The following DYNC1I1 variants were observed in gnomAD, a reference collection of about 807,000 sequenced individuals.
The protein encoded by DYNC1I1 is dynein cytoplasmic 1 intermediate chain 1, also known as cytoplasmic dynein 1 intermediate chain 1.
A neutral mutation model predicts 86.6 loss-of-function variants in DYNC1I1; 43 were observed. That is an observed-to-expected ratio of 0.50 (90% CI 0.39 to 0.64). The LOEUF is 0.64. Among genes scored for constraint, DYNC1I1 ranks in the 30% least tolerant of loss-of-function variants. The probability of loss-of-function intolerance (pLI) is 0.00; values close to 1 mark genes in which losing one functional copy is unlikely to be tolerated. For synonymous variants in DYNC1I1, 262 were observed against 283.7 expected, an observed-to-expected ratio of 0.92 and a Z score of 0.77; for missense variants, 604 against 788.8, an observed-to-expected ratio of 0.77 and a Z score of 2.81.
intron 6 of DYNC1I1, among the ~76,000 whole-genome samples, chr7:95,957,907 A>G (rs959967816): frequency 2.0e-5 from 3 of 152,208 alleles, no homozygotes; most frequent in Non-Finnish European, 2.9e-5. Flanking sequence ...GGGAGAAAGT[A>G]TAGGCTGGGT....
At chr7:96,079,525 A>G (rs886248914) in intron 15 of DYNC1I1, among the ~76,000 whole-genome samples, 1 of 152,186 alleles carries the variant, frequency 6.6e-6, no homozygotes, top group African/African-American at 2.4e-5. Context: ...CTTTCCAAAT[A>G]CTGAGGCTCT....
chr7:95,832,467 C>G (rs967569462), intron 5 of DYNC1I1, among the ~76,000 whole-genome samples: 22 of 151,752 alleles, frequency 1.4e-4, no homozygotes, highest in African/African-American at 5.1e-4. Context: ...GATTTATAGT[C>G]CTTTGGATAT....
At chr7:95,854,517 TA>T (rs1424530788) in intron 5 of DYNC1I1, among the ~76,000 whole-genome samples, 1 of 152,204 alleles carries the variant, frequency 6.6e-6, no homozygotes, top group Non-Finnish European at 1.5e-5. Context: ...TTTCTCTTGT[TA>T]TTTTTAATAG....
At chr7:96,051,111 GT>G (rs1789392482) in intron 14 of DYNC1I1, among the ~76,000 whole-genome samples, 1 of 152,134 alleles carries the variant, frequency 6.6e-6, no homozygotes, top group South Asian at 2.1e-4. Flanking sequence ...CTGTGCTGCA[GT>G]TTAGTTTAGT....
In DYNC1I1 at chr7:95,929,639, C is replaced by G. The variant is rs537710448; in HGVS notation, c.491-47873C>G. On this transcript the variant is annotated intron_variant, in intron 6 of 16. Transcript: ENST00000447467. Reference sequence around the variant, plus strand: ...CATACCATGAAACCAGTCTTCAGATCAAGATTCAGAATATAAGGAGAAACC... The same window carrying G: ...CATACCATGAAACCAGTCTTCAGATGAAGATTCAGAATATAAGGAGAAACC... 3.3e-5 allele frequency among the ~76,000 whole-genome samples: 5 copies of G among 152,270 alleles called. 1 individual carries two copies. Among genetic ancestry groups the G allele is most frequent in the African/African-American group, 1.2e-4 (5 of 41,572 alleles).
intron 9 of DYNC1I1, among the ~76,000 whole-genome samples, chr7:95,993,652 T>C (rs1056974049): frequency 5.3e-5 from 8 of 152,216 alleles, no homozygotes; most frequent in Non-Finnish European, 1.2e-4. Flanking sequence ...GGTGGCCACA[T>C]ACATGTGTGT....
intron 7 of DYNC1I1, among the ~76,000 whole-genome samples, chr7:95,980,686 G>A (rs1045366515): frequency 2.0e-5 from 3 of 151,526 alleles, no homozygotes; most frequent in African/African-American, 7.3e-5. Context: ...ATGCAGTCTT[G>A]ATTTATTACT....
chr7:95,953,444 C>T (rs1478073196), intron 6 of DYNC1I1, among the ~76,000 whole-genome samples: 1 of 151,946 alleles, frequency 6.6e-6, no homozygotes, highest in African/African-American at 2.4e-5. Context: ...GAAAATGAAA[C>T]GTGTTTGGAT....
chr7:95,811,219 C>A (rs1343492096), intron 3 of DYNC1I1, among the ~76,000 whole-genome samples: 1 of 152,068 alleles, frequency 6.6e-6, no homozygotes, highest in Non-Finnish European at 1.5e-5. Flanking sequence ...ACCTATGTAT[C>A]TCTCATGTAA....
At chr7:96,018,903 A>C (rs1794471550) in intron 10 of DYNC1I1, among the ~76,000 whole-genome samples, 1 of 152,156 alleles carries the variant, frequency 6.6e-6, no homozygotes, top group African/African-American at 2.4e-5. Context: ...CCATGAATTA[A>C]TTGTTTCAGA....
chr7:96,013,190 T>C (rs1794318621), intron 10 of DYNC1I1, among the ~76,000 whole-genome samples: 1 of 151,990 alleles, frequency 6.6e-6, no homozygotes, highest in Admixed American at 6.6e-5. Context: ...GATGGGATGA[T>C]GGAAGCAGAA....
At chr7:96,031,335 G>T (rs987839723) in intron 11 of DYNC1I1, among the ~76,000 whole-genome samples, 1 of 152,154 alleles carries the variant, frequency 6.6e-6, no homozygotes, top group African/African-American at 2.4e-5. Flanking sequence ...GGTAAGAAAA[G>T]ATTTGGCAGG....
chr7:95,934,991 TTAACA>T (rs1465489451), intron 6 of DYNC1I1, among the ~76,000 whole-genome samples: 1 of 151,414 alleles, frequency 6.6e-6, no homozygotes, highest in Admixed American at 6.6e-5. Flanking sequence ...TTAGAAACAC[TTAACA>T]TAAGATCTAC....
At chr7:96,028,066 G>A (rs1423208776) in intron 10 of DYNC1I1, 109 bp from the exon 11 acceptor site, 26 of 1,415,928 alleles carry the variant, frequency 1.8e-5, no homozygotes, top group Non-Finnish European at 2.5e-5. Context: ...TTATTTTTTT[G>A]TTTTCCAGGA....
intron 1 of DYNC1I1, among the ~76,000 whole-genome samples, chr7:95,792,499 C>T (rs1221469342): frequency 6.6e-6 from 1 of 152,132 alleles, no homozygotes; most frequent in Non-Finnish European, 1.5e-5. Context: ...GGCTATGCTT[C>T]CCCTAGTTGC....
chr7:95,967,445 T>C (rs969058931), intron 6 of DYNC1I1, among the ~76,000 whole-genome samples: 1 of 152,194 alleles, frequency 6.6e-6, no homozygotes, highest in Admixed American at 6.5e-5. Context: ...AGGTGCACTC[T>C]TACCCTTGTG....
chr7:95,959,114 G>A (rs1184018776), intron 6 of DYNC1I1, among the ~76,000 whole-genome samples: 1 of 152,166 alleles, frequency 6.6e-6, no homozygotes, highest in East Asian at 1.9e-4. Flanking sequence ...GGAGCAGTGG[G>A]TACCAAGGCT....
intron 15 of DYNC1I1, 90 bp downstream of exon 15, chr7:96,076,287 C>CT: frequency 2.0e-6 from 3 of 1,524,212 alleles, no homozygotes; most frequent in Non-Finnish European, 2.6e-6. Flanking sequence ...CCAAAACGGC[C>CT]TTTTTTGGAC....
intron 13 of DYNC1I1, among the ~76,000 whole-genome samples, chr7:96,036,318 T>C (rs1318417101): frequency 6.6e-6 from 1 of 152,170 alleles, no homozygotes. Flanking sequence ...ACCTACCATG[T>C]GCCAGGCATC....
Sources: allele counts gnomAD v4.1 joint callset (sites outside exome capture counted in the v4.1 genomes callset), GRCh38; gene constraint gnomAD v4.1.1; transcripts MANE v1.5; gene names NCBI Gene and HGNC (gene_info 2026-07-23, HGNC 2026-07-21).